The following EPB41 variants were observed in gnomAD, a reference collection of about 807,000 sequenced individuals.
EPB41 encodes erythrocyte membrane protein band 4.1.
Under a neutral mutation model 108.0 loss-of-function variants are expected in EPB41, and 65 were observed. That is an observed-to-expected ratio of 0.60 (90% CI 0.49 to 0.74). The LOEUF (loss-of-function observed/expected upper bound fraction) is 0.74. Among genes scored for constraint, EPB41 ranks in the 30% least tolerant of loss-of-function variants. The probability of loss-of-function intolerance (pLI) is 0.00; values close to 1 mark genes in which losing one functional copy is unlikely to be tolerated. For synonymous variants in EPB41, 336 were observed against 358.9 expected (o/e 0.94, Z 0.72); for missense variants, 875 against 1,037.0 (o/e 0.84, Z 2.15).
chr1:28,968,975 CA>C (rs61402823), intron 1 of EPB41, among the ~76,000 whole-genome samples: 32,195 of 113,616 alleles, frequency 0.28, 4,588 homozygotes, highest in East Asian at 0.66. Flanking sequence ...CAAAACCCCC[CA>C]CCCCCCAAAA....
intron 16 of EPB41, among the ~76,000 whole-genome samples, chr1:29,085,174 C>T (rs1369299120): frequency 1.6e-5 from 2 of 128,056 alleles, no homozygotes; most frequent in Non-Finnish European, 3.1e-5. Flanking sequence ...GTTGGAGTCT[C>T]ACTCAGTTGC....
At chr1:29,097,747 A>G in intron 16 of EPB41, 60 bp from the exon 17 acceptor site, 1 of 1,587,164 alleles carries the variant, frequency 6.3e-7, no homozygotes. Flanking sequence ...CAGTGTCAGA[A>G]GATTACTTCT....
Position 29,018,350 on chromosome 1 carries a change from C to T in EPB41, c.1032C>T (p.Leu344=). ...AACTGGGAGACTACGACCCAGAACT[C>T]CATGGCGTGGATTATGTTAGTGATT... ...QSELGDYDPE[L]HGVDYVSDFK... Residue 344 remains leucine, a synonymous_variant, in exon 7 of 21, where the codon CTC becomes CTT. Coordinates refer to ENST00000343067, the MANE Select transcript of EPB41 (RefSeq NM_001376013.1). The surrounding 1 kb of genome is among the most constrained non-coding windows in gnomAD (Gnocchi z 4.4). 1 of 1,614,190 alleles carries T rather than the reference C, an allele frequency of 6.2e-7. No individual in the cohort carries two copies. Among genetic ancestry groups the T allele is most frequent in the Non-Finnish European group, 8.5e-7 (1 of 1,180,038 alleles).
chr1:28,958,153 G>A (rs1476401841), intron 1 of EPB41, among the ~76,000 whole-genome samples: 2 of 152,002 alleles, frequency 1.3e-5, no homozygotes, highest in Admixed American at 6.6e-5. Flanking sequence ...GATATTACCT[G>A]GTTAGTAGGA....
At chr1:29,002,649 G>A (rs1259831889) in intron 4 of EPB41, among the ~76,000 whole-genome samples, 1 of 152,048 alleles carries the variant, frequency 6.6e-6, no homozygotes, top group Non-Finnish European at 1.5e-5. Context: ...ATTGTATTTG[G>A]CAAGACTATA....
At chr1:28,933,319 C>T (rs2093840909) in intron 1 of EPB41, among the ~76,000 whole-genome samples, 1 of 152,202 alleles carries the variant, frequency 6.6e-6, no homozygotes, top group Non-Finnish European at 1.5e-5. Context: ...CAATAACACA[C>T]CTTAGCTGGT....
intron 11 of EPB41, among the ~76,000 whole-genome samples, chr1:29,043,427 T>A (rs1490884908): frequency 2.6e-5 from 4 of 152,208 alleles, no homozygotes; most frequent in African/African-American, 9.6e-5. Context: ...GACCTTTCTG[T>A]GCTGATGGAA....
At chr1:28,974,303 C>G (rs960278581) in intron 1 of EPB41, among the ~76,000 whole-genome samples, 3 of 152,196 alleles carry the variant, frequency 2.0e-5, no homozygotes, top group African/African-American at 7.2e-5. Context: ...TAGGAATGCT[C>G]TGGTCACTAT....
At chr1:28,940,485 C>G (rs1228630215) in intron 1 of EPB41, among the ~76,000 whole-genome samples, 1 of 151,978 alleles carries the variant, frequency 6.6e-6, no homozygotes, top group Non-Finnish European at 1.5e-5. Context: ...AACCCCATCT[C>G]TACTAAAAAT....
chr1:28,964,474 G>A (rs890206154), intron 1 of EPB41, among the ~76,000 whole-genome samples: 1 of 151,606 alleles, frequency 6.6e-6, no homozygotes, highest in Non-Finnish European at 1.5e-5. Context: ...GGTGGTGCAC[G>A]CTTGTAGTTC....
chr1:28,915,905 T>A (rs1280189915), intron 1 of EPB41, among the ~76,000 whole-genome samples: 3 of 152,134 alleles, frequency 2.0e-5, no homozygotes, highest in African/African-American at 7.2e-5. Context: ...TCATTGTTGT[T>A]TTCTGTATTC....
intron 4 of EPB41, among the ~76,000 whole-genome samples, chr1:28,997,869 A>G (rs2096218100): frequency 6.6e-6 from 1 of 152,230 alleles, no homozygotes; most frequent in African/African-American, 2.4e-5. Flanking sequence ...AGGTAAAAGA[A>G]TGGACTTGGA....
intron 1 of EPB41, among the ~76,000 whole-genome samples, chr1:28,951,742 T>C (rs2094731164): frequency 6.6e-6 from 1 of 152,034 alleles, no homozygotes; most frequent in Admixed American, 6.6e-5. Context: ...TGGTCCTAGC[T>C]ACTTGGGAGG....
intron 1 of EPB41, among the ~76,000 whole-genome samples, chr1:28,983,675 G>T (rs1167994723): frequency 2.0e-5 from 3 of 152,194 alleles, no homozygotes; most frequent in African/African-American, 7.2e-5. Context: ...CTTGGTGCTT[G>T]CAGTACTCAA....
intron 1 of EPB41, among the ~76,000 whole-genome samples, chr1:28,974,677 T>C (rs1557874768): frequency 6.6e-6 from 1 of 152,200 alleles, no homozygotes; most frequent in South Asian, 2.1e-4. Flanking sequence ...CTGGATGGTA[T>C]GATTGAGCCA....
Position 29,119,708 on chromosome 1 carries a change from CT to C in EPB41, c.*2900del. 6.5e-6 allele frequency: 1 copy of C among 152,854 alleles called. No individual in the cohort carries two copies. 9.5% of individuals were successfully genotyped at this position (152,854 alleles called of 1,614,324 possible). A position where few individuals can be genotyped will look rare whatever the true frequency, so the allele number is the denominator to read the frequency against. ...GCCAGAGCTGCGGCCTGACTGACGCCTTTTGATGCTCACGGGAAATTTCTGC... is the reference window on the plus strand; with the variant it reads ...GCCAGAGCTGCGGCCTGACTGACGCCTTTGATGCTCACGGGAAATTTCTGC... On this transcript the variant is annotated 3_prime_UTR_variant, in exon 21 of 21. Transcript: ENST00000343067.
chr1:29,090,233 A>T (rs1357223057), intron 16 of EPB41, among the ~76,000 whole-genome samples: 3 of 152,234 alleles, frequency 2.0e-5, no homozygotes, highest in African/African-American at 7.2e-5. Context: ...ACTCTACTCC[A>T]GCCTGGGCGA....
intron 16 of EPB41, among the ~76,000 whole-genome samples, chr1:29,092,099 T>A: frequency 6.8e-6 from 1 of 147,930 alleles, no homozygotes; most frequent in South Asian, 2.2e-4. Context: ...CCTTCTTTTT[T>A]TTTTTTTTTT....
At chr1:29,043,299 G>C (rs1642178462) in intron 11 of EPB41, among the ~76,000 whole-genome samples, 1 of 152,198 alleles carries the variant, frequency 6.6e-6, no homozygotes, top group Non-Finnish European at 1.5e-5. Context: ...TGAATTATGT[G>C]AAGGAGCCGG....
Sources: gnomAD v4.1 joint callset for allele counts (sites outside exome capture counted in the v4.1 genomes callset) on GRCh38, gnomAD v4.1.1 for gene constraint, Gnocchi (gnomAD v3.1) non-coding constraint, MANE v1.5 for transcripts, NCBI Gene and HGNC (gene_info 2026-07-23, HGNC 2026-07-21) for gene names.